WAC: variants seen among roughly 807,000 people sequenced by gnomAD.
WAC encodes the protein WW domain containing adaptor with coiled-coil.
Under a neutral mutation model 79.6 loss-of-function variants are expected in WAC, and 11 were observed. The ratio of observed to expected loss-of-function variants is 0.14; its 90% CI spans 0.09 to 0.23. The LOEUF is 0.23. Ranked by LOEUF, WAC falls within the 10% of genes least tolerant of loss-of-function variation. The probability of loss-of-function intolerance (pLI) is 1.00; values close to 1 mark genes in which losing one functional copy is unlikely to be tolerated. For synonymous variants in WAC, 304 were observed against 276.9 expected, an observed-to-expected ratio of 1.10 and a Z score of -0.97; for missense variants, 728 against 773.5, an observed-to-expected ratio of 0.94 and a Z score of 0.70.
intron 7 of WAC, among the ~76,000 whole-genome samples, chr10:28,597,431 A>G (rs1228819133): frequency 6.6e-6 from 1 of 152,168 alleles, no homozygotes; most frequent in Non-Finnish European, 1.5e-5. Context: ...TATTTATCCC[A>G]TGTCACCTTT....
chr10:28,594,169 TTTG>T (rs1338734685), intron 6 of WAC, among the ~76,000 whole-genome samples: 2 of 93,326 alleles, frequency 2.1e-5, no homozygotes, highest in South Asian at 3.4e-4. Flanking sequence ...TGCTGCCCTT[TTTG>T]TTTTTTTAAT....
At chr10:28,610,253 GATTT>G (rs1275603307) in intron 8 of WAC, among the ~76,000 whole-genome samples, 11 of 151,988 alleles carry the variant, frequency 7.2e-5, no homozygotes, top group Non-Finnish European at 1.5e-4. Flanking sequence ...TCCATTTTTA[GATTT>G]ATTAGGGTGG....
intron 7 of WAC, among the ~76,000 whole-genome samples, chr10:28,604,154 A>G (rs933460628): frequency 6.6e-6 from 1 of 151,262 alleles, no homozygotes; most frequent in African/African-American, 2.4e-5. Flanking sequence ...CTTTATGAAT[A>G]TAGCATAAAA....
intron 3 of WAC, among the ~76,000 whole-genome samples, chr10:28,545,864 AC>A (rs1477589118): frequency 6.6e-6 from 1 of 152,242 alleles, no homozygotes; most frequent in African/African-American, 2.4e-5. Context: ...CTACTTAGGT[AC>A]TACATTTCCA....
chr10:28,619,492 A>G, intron 13 of WAC, 45 bp from the exon 14 acceptor site: 3 of 1,394,998 alleles, frequency 2.2e-6, no homozygotes, highest in South Asian at 1.4e-5. Flanking sequence ...TTTCTGTAAT[A>G]TTTGTATATG....
In WAC at chr10:28,613,052, C is replaced by T. The variant is rs373091033; in HGVS notation, c.1437+1130C>T. On this transcript the variant is annotated intron_variant, in intron 10 of 13. Transcript: ENST00000354911. Reference sequence around the variant, plus strand: ...AATTACAGCACTTAGGAGGCCAAGGCAGGAGGATTGAATTAGGCCCTGGGC... The same window carrying T: ...AATTACAGCACTTAGGAGGCCAAGGTAGGAGGATTGAATTAGGCCCTGGGC... Among the ~76,000 whole-genome samples the T allele has an allele frequency of 7.8e-4, 118 of 152,154 alleles. 1 individual carries two copies. The highest frequency in any genetic ancestry group is 6.8e-3 in the Middle Eastern group (2 of 294).
intron 3 of WAC, among the ~76,000 whole-genome samples, chr10:28,556,663 A>G (rs186954195): frequency 1.9e-3 from 286 of 151,640 alleles, no homozygotes; most frequent in East Asian, 7.4e-3. Flanking sequence ...TTTGTCCCCT[A>G]TGTTTTCTTG....
intron 10 of WAC, among the ~76,000 whole-genome samples, chr10:28,612,596 G>A (rs867256140): frequency 6.6e-6 from 1 of 152,234 alleles, no homozygotes; most frequent in African/African-American, 2.4e-5. Flanking sequence ...ACTTTTTAAT[G>A]CCAAATAATT....
intron 6 of WAC, among the ~76,000 whole-genome samples, chr10:28,592,974 A>G (rs1213526277): frequency 1.3e-5 from 2 of 152,176 alleles, no homozygotes; most frequent in Non-Finnish European, 2.9e-5. Context: ...TCCCCTATCA[A>G]TGAATACTTG....
chr10:28,534,075 G>C, intron 2 of WAC, 41 bp downstream of exon 2: 1 of 1,549,550 alleles, frequency 6.5e-7, no homozygotes, highest in African/African-American at 1.4e-5. Flanking sequence ...GAAGGGGCCG[G>C]AGGGGGAAGG....
intron 3 of WAC, among the ~76,000 whole-genome samples, chr10:28,555,365 TC>T (rs1411631446): frequency 6.6e-5 from 10 of 152,216 alleles, no homozygotes; most frequent in Admixed American, 6.5e-4. Flanking sequence ...CCTTGAGCAT[TC>T]CAGGCACATT....
intron 7 of WAC, among the ~76,000 whole-genome samples, chr10:28,606,226 ATT>A (rs1215800108): frequency 1.3e-5 from 2 of 151,992 alleles, no homozygotes; most frequent in Admixed American, 1.3e-4. Flanking sequence ...AATTTTTTGT[ATT>A]TTTAGTAGAG....
At chr10:28,546,775 T>A (rs1837368674) in intron 3 of WAC, among the ~76,000 whole-genome samples, 1 of 152,182 alleles carries the variant, frequency 6.6e-6, no homozygotes, top group South Asian at 2.1e-4. Context: ...TGAACTTTGC[T>A]GCTTTGTTCA....
chr10:28,600,957 A>G (rs985391674), intron 7 of WAC, among the ~76,000 whole-genome samples: 5 of 152,124 alleles, frequency 3.3e-5, no homozygotes, highest in African/African-American at 1.2e-4. Flanking sequence ...GAATGGATCA[A>G]AGACCTAAAT....
At position 28,619,597 on chromosome 10, in the gene WAC, C is replaced by T. The variant is rs1841621554; in HGVS notation, c.1935C>T (p.Phe645=). 1 of 1,577,366 alleles carries T rather than the reference C, an allele frequency of 6.3e-7. No homozygotes were observed. The highest frequency in any genetic ancestry group is 2.1e-5 in the Admixed American group (1 of 47,480). The change falls in exon 14 of 14, where the codon TTC becomes TTT. Residue 645 remains phenylalanine (F), a synonymous_variant. Transcript: ENST00000354911. The part of the protein sequence containing the change: ...ELEKLKNQNS[F]MV ...AAAAGCTAAAAAATCAGAATTCCTT[C>T]ATGGTGTGAAGATGTGAATAATTGC...
At position 28,608,295 on chromosome 10, in the gene WAC, C is replaced by T. The variant is rs1037483312; in HGVS notation, c.1029C>T (p.Val343=). Residue 343 remains valine (V), a synonymous_variant, in exon 8 of 14, where the codon GTC becomes GTT. Coordinates refer to ENST00000354911, the MANE Select transcript of WAC (RefSeq NM_016628.5). ...TSAPPTSASA[V]PVSPVPQSPI... The stretch of plus-strand genomic sequence containing the variant: ...CACCTCCAACATCTGCTTCAGCGGT[C>T]CCTGTTTCTCCTGTTCCACAGTCGC... The T allele has an allele frequency of 5.6e-6, 9 of 1,614,070 alleles. No homozygotes were observed. Among genetic ancestry groups the T allele is most frequent in the Admixed American group, 1.7e-5 (1 of 60,002 alleles).
intron 9 of WAC, chr10:28,611,525 C>G: frequency 7.3e-6 from 10 of 1,377,066 alleles, no homozygotes; most frequent in Non-Finnish European, 9.5e-6. Flanking sequence ...GCCTAGCTTC[C>G]TGTTCCAGCC....
At chr10:28,551,418 T>C (rs1341526466) in intron 3 of WAC, among the ~76,000 whole-genome samples, 1 of 152,228 alleles carries the variant, frequency 6.6e-6, no homozygotes, top group East Asian at 1.9e-4. Context: ...ACTATGACTT[T>C]TACAAGTAAA....
At chr10:28,547,137 T>A (rs1215515431) in intron 3 of WAC, among the ~76,000 whole-genome samples, 1 of 152,234 alleles carries the variant, frequency 6.6e-6, no homozygotes, top group Non-Finnish European at 1.5e-5. Flanking sequence ...TTTATTTGAT[T>A]TAGCATTTTC....
Sources: allele counts gnomAD v4.1 joint callset (sites outside exome capture counted in the v4.1 genomes callset), GRCh38; gene constraint gnomAD v4.1.1; transcripts MANE v1.5; gene names NCBI Gene and HGNC (gene_info 2026-07-23, HGNC 2026-07-21).